AGBL1: variants seen among roughly 807,000 people sequenced by gnomAD.
AGBL1 encodes the protein cytosolic carboxypeptidase 4.
AGBL1 carries 130 observed loss-of-function variants against 118.9 expected under a neutral mutation model. The ratio of observed to expected loss-of-function variants is 1.09; its 90% CI spans 0.95 to 1.26. AGBL1 has a LOEUF of 1.26. Ranked by LOEUF, AGBL1 falls within the 50% of genes most tolerant of loss-of-function variation. The probability of loss-of-function intolerance (pLI) is 0.00; values close to 1 mark genes in which losing one functional copy is unlikely to be tolerated. For missense variants in AGBL1, 1,584 were observed against 1,298.1 expected, an observed-to-expected ratio of 1.22 and a Z score of -3.38; for synonymous variants, 555 against 478.9, an observed-to-expected ratio of 1.16 and a Z score of -2.08.
At position 86,701,854 on chromosome 15, in the gene AGBL1, C is replaced by G. The variant is rs943661327; in HGVS notation, c.3158+27418C>G. ...TTCCACTCCCCATCTCTCCTTTATC[C>G]ATTCCTTCCCCTTCCCTTCTCTTTT... On this transcript the variant is annotated intron_variant, in intron 22 of 22. Transcript: ENST00000614907. Among the ~76,000 whole-genome samples the G allele has an allele frequency of 2.7e-5, 4 of 146,976 alleles. 1 individual carries two copies. Among genetic ancestry groups the G allele is most frequent in the African/African-American group, 1.0e-4 (4 of 39,628 alleles).
rs574180946 is a variant in AGBL1, at chr15:86,130,920, A to G, written c.52-11084A>G. ...CAGTCAGAAGTTGGCTGGGGTTGCA[A>G]TTATCTGAAACCTCAATTGGTCTGG... is the stretch of plus-strand genomic sequence containing the variant. On this transcript the variant is annotated intron_variant, in intron 1 of 22. Transcript: ENST00000614907. Among the ~76,000 whole-genome samples, 10 of 152,296 alleles carry G rather than the reference A, an allele frequency of 6.6e-5. 1 individual carries two copies. In the South Asian group the frequency reaches 1.9e-3, roughly 28 times the overall value.
At chr15:86,812,139 C>A (rs1228512892) in intron 22 of AGBL1, among the ~76,000 whole-genome samples, 1 of 152,186 alleles carries the variant, frequency 6.6e-6, no homozygotes, top group Non-Finnish European at 1.5e-5. Context: ...CCTAGTATGA[C>A]AATGTGTGCG....
Position 86,767,573 on chromosome 15 carries a change from A to G in AGBL1, c.3158+93137A>G, listed in dbSNP as rs572963634. Among the ~76,000 whole-genome samples, 3 of 152,088 alleles carry G rather than the reference A, an allele frequency of 2.0e-5. No homozygotes were observed. In the South Asian group the frequency reaches 6.2e-4, roughly 32 times the overall value. On this transcript the variant is annotated intron_variant, in intron 22 of 22. Transcript: ENST00000614907. ...TCTATTCCTTGAACTGAAGGAAATA[A>G]TATAGCATTTATTGAGCTTCAGTTT...
At chr15:86,968,931 T>C (rs2081080781) in intron 23 of AGBL1, among the ~76,000 whole-genome samples, 1 of 151,796 alleles carries the variant, frequency 6.6e-6, no homozygotes, top group African/African-American at 2.4e-5. Flanking sequence ...GCTAATTCTA[T>C]TCATGAGGCA....
chr15:86,666,406 A>G (rs1272397474), intron 21 of AGBL1, among the ~76,000 whole-genome samples: 3 of 152,120 alleles, frequency 2.0e-5, no homozygotes, highest in Admixed American at 6.6e-5. Context: ...TTGTTGCCCT[A>G]TCTCTAATAA....
At chr15:86,240,545 T>A (rs1374709874) in intron 6 of AGBL1, among the ~76,000 whole-genome samples, 1 of 152,134 alleles carries the variant, frequency 6.6e-6, no homozygotes, top group African/African-American at 2.4e-5. Context: ...GGAGTCCTAT[T>A]TGGGATCAGG....
chr15:86,491,793 A>T (rs2082782426), intron 18 of AGBL1, among the ~76,000 whole-genome samples: 1 of 150,934 alleles, frequency 6.6e-6, no homozygotes, highest in African/African-American at 2.4e-5. Flanking sequence ...ATTTTTAGTC[A>T]TTCTTCAGAA....
At chr15:86,506,837 A>AT (rs1337300784) in intron 18 of AGBL1, among the ~76,000 whole-genome samples, 1 of 152,046 alleles carries the variant, frequency 6.6e-6, no homozygotes, top group East Asian at 1.9e-4. Context: ...TTTATTTGAG[A>AT]TTTTCTCACC....
chr15:86,793,011 T>TA (rs1041162059), intron 22 of AGBL1, among the ~76,000 whole-genome samples: 14 of 151,834 alleles, frequency 9.2e-5, no homozygotes, highest in African/African-American at 1.5e-4. Context: ...AGACCATAGT[T>TA]AAAAAAAATA....
Position 87,022,957 on chromosome 15 carries a change from A to G in AGBL1, c.3324-5868A>G, listed in dbSNP as rs186128979. The stretch of plus-strand genomic sequence containing the variant: ...CCACCACTACAAGAACTGCTTTTCA[A>G]AAAGTGCTCTAAATTTTGAAACAAA... On this transcript the variant is annotated intron_variant, in intron 24 of 24. Transcript: ENST00000441037. Among the ~76,000 whole-genome samples the G allele has an allele frequency of 5.3e-5, 8 of 152,194 alleles. No individual in the cohort carries two copies. In the East Asian group the frequency reaches 1.2e-3, roughly 22 times the overall value.
At chr15:86,113,413 G>A (rs796468496) in intron 1 of AGBL1, among the ~76,000 whole-genome samples, 2 of 150,246 alleles carry the variant, frequency 1.3e-5, no homozygotes, top group African/African-American at 4.9e-5. Context: ...TCAGCCTCCC[G>A]AGTAGCTAGG....
chr15:86,590,907 G>A (rs527729025), intron 21 of AGBL1, among the ~76,000 whole-genome samples: 36 of 152,274 alleles, frequency 2.4e-4, no homozygotes, highest in Non-Finnish European at 8.8e-5. Flanking sequence ...ACAATGAAAT[G>A]ACCAAATGAG....
chr15:86,619,958 T>C (rs1332952231), intron 21 of AGBL1, among the ~76,000 whole-genome samples: 5 of 152,216 alleles, frequency 3.3e-5, no homozygotes, highest in Non-Finnish European at 5.9e-5. Context: ...ACACTGCTGC[T>C]ATCAGGACCC....
chr15:86,131,458 C>G (rs2076817462), intron 1 of AGBL1, among the ~76,000 whole-genome samples: 1 of 151,958 alleles, frequency 6.6e-6, no homozygotes, highest in South Asian at 2.1e-4. Context: ...TTTAAACTTG[C>G]TATATTTCAA....
intron 1 of AGBL1, among the ~76,000 whole-genome samples, chr15:86,100,039 T>C (rs895197812): frequency 5.3e-5 from 8 of 152,152 alleles, no homozygotes; most frequent in Non-Finnish European, 1.0e-4. Context: ...TTTTTTTTAA[T>C]CATGAAGGAA....
At chr15:86,336,046 G>A (rs2080362753) in intron 17 of AGBL1, among the ~76,000 whole-genome samples, 1 of 152,218 alleles carries the variant, frequency 6.6e-6, no homozygotes, top group Non-Finnish European at 1.5e-5. Context: ...ATGAGAGAAA[G>A]CATGAAGTTA....
intron 24 of AGBL1, among the ~76,000 whole-genome samples, chr15:87,002,633 T>C (rs2141763397): frequency 6.6e-6 from 1 of 152,326 alleles, no homozygotes; most frequent in Non-Finnish European, 1.5e-5. Flanking sequence ...TTCCATTTGT[T>C]TGTGTCCTCC....
At chr15:86,805,957 C>G (rs1272551842) in intron 22 of AGBL1, among the ~76,000 whole-genome samples, 1 of 152,098 alleles carries the variant, frequency 6.6e-6, no homozygotes, top group Non-Finnish European at 1.5e-5. Context: ...CCAGAAAATA[C>G]TAATGGGGTC....
chr15:86,515,755 T>G (rs1412060736), intron 18 of AGBL1, among the ~76,000 whole-genome samples: 2 of 152,192 alleles, frequency 1.3e-5, no homozygotes, highest in Non-Finnish European at 2.9e-5. Flanking sequence ...TTTGGCAAAT[T>G]CTTCACAAAC....
Sources: allele counts gnomAD v4.1 joint callset (sites outside exome capture counted in the v4.1 genomes callset), GRCh38; gene constraint gnomAD v4.1.1; transcripts MANE v1.5; gene names NCBI Gene and HGNC (gene_info 2026-07-23, HGNC 2026-07-21).